The following HECW2 variants were observed in gnomAD, a reference collection of about 807,000 sequenced individuals.
The protein encoded by HECW2 is E3 ubiquitin-protein ligase HECW2.
HECW2 carries 61 observed loss-of-function variants against 175.2 expected under a neutral mutation model. The ratio of observed to expected loss-of-function variants is 0.35; its 90% confidence interval spans 0.28 to 0.43. The LOEUF (loss-of-function observed/expected upper bound fraction) is 0.43, where lower values mean the gene tolerates loss of function less well. Among genes scored for constraint, HECW2 ranks in the 20% least tolerant of loss-of-function variants. The pLI, the probability that HECW2 is intolerant of heterozygous loss-of-function variation, is 1.00. For synonymous variants in HECW2, 671 were observed against 731.0 expected (o/e 0.92, Z 1.32); for missense variants, 1,524 against 2,000.5 (o/e 0.76, Z 4.54).
At chr2:196,563,468 A>G (rs998251028) in intron 1 of HECW2, among the ~76,000 whole-genome samples, 3 of 141,382 alleles carry the variant, frequency 2.1e-5, no homozygotes, top group African/African-American at 9.6e-5. Context: ...CAGGAGGCTG[A>G]GGCAGGAGAA....
intron 2 of HECW2, among the ~76,000 whole-genome samples, chr2:196,387,886 T>C (rs779859830): frequency 1.3e-5 from 2 of 152,196 alleles, no homozygotes; most frequent in Non-Finnish European, 2.9e-5. Flanking sequence ...CCGTATTTCA[T>C]TGAAGAGTAG....
chr2:196,583,677 T>A (rs1217149534), intron 1 of HECW2, among the ~76,000 whole-genome samples: 3 of 152,208 alleles, frequency 2.0e-5, no homozygotes, highest in Non-Finnish European at 4.4e-5. Flanking sequence ...ATGTTAATCT[T>A]TTAGTATCCT....
Position 196,194,677 on chromosome 2 carries a change from C to T in HECW2, c.*6600G>A, listed in dbSNP as rs891323619. On this transcript the variant is annotated 3_prime_UTR_variant, in exon 29 of 29. Coordinates refer to ENST00000644978, the MANE Select transcript of HECW2 (RefSeq NM_001348768.2). ...ATTATTTACTTTGAAAAAAAAATTA[C>T]ATATAAGGTGAAGTGAGAGCTGTAT... is the stretch of plus-strand genomic sequence containing the variant. The T allele has an allele frequency of 2.0e-5, 3 of 151,910 alleles. No homozygotes were observed. Among genetic ancestry groups the T allele is most frequent in the Non-Finnish European group, 1.5e-5 (1 of 67,960 alleles). 9.4% of individuals were successfully genotyped at this position (151,910 alleles called of 1,614,324 possible).
At chr2:196,278,728 A>G in intron 14 of HECW2, 66 bp from the exon 15 acceptor site, 1 of 1,570,688 alleles carries the variant, frequency 6.4e-7, no homozygotes, top group Non-Finnish European at 8.8e-7. Context: ...ATAACATCAG[A>G]CGGTCAGGAA....
chr2:196,588,657 C>T (rs980334215), intron 1 of HECW2, among the ~76,000 whole-genome samples: 2 of 152,166 alleles, frequency 1.3e-5, no homozygotes, highest in African/African-American at 4.8e-5. Flanking sequence ...ACATACATTG[C>T]ATACACACAC....
intron 3 of HECW2, among the ~76,000 whole-genome samples, chr2:196,337,764 G>T (rs552338165): frequency 6.6e-6 from 1 of 151,362 alleles, no homozygotes; most frequent in South Asian, 2.1e-4. Context: ...AAAAGGGAAA[G>T]GCATCCTGTA....
chr2:196,554,574 A>T (rs1399533692), intron 1 of HECW2, among the ~76,000 whole-genome samples: 2 of 152,200 alleles, frequency 1.3e-5, no homozygotes, highest in Non-Finnish European at 2.9e-5. Flanking sequence ...ACCTAGCCAA[A>T]ATATGTGCCC....
At chr2:196,452,184 T>C (rs1020050822) in intron 1 of HECW2, among the ~76,000 whole-genome samples, 3 of 152,184 alleles carry the variant, frequency 2.0e-5, no homozygotes, top group Non-Finnish European at 2.9e-5. Context: ...AAATGAGATA[T>C]GCTGCAAGTA....
intron 1 of HECW2, among the ~76,000 whole-genome samples, chr2:196,505,707 A>G (rs1687736622): frequency 6.6e-6 from 1 of 152,204 alleles, no homozygotes; most frequent in Non-Finnish European, 1.5e-5. Flanking sequence ...AAGGGGACAT[A>G]ATGGCTAATC....
intron 19 of HECW2, among the ~76,000 whole-genome samples, chr2:196,250,029 T>C (rs994903303): frequency 2.6e-5 from 4 of 152,222 alleles, no homozygotes; most frequent in Non-Finnish European, 5.9e-5. Context: ...AGAGTGCTCA[T>C]ACAGTCTTGA....
In HECW2 at chr2:196,412,570, C is replaced by G. The variant is rs140185012; in HGVS notation, c.292+20562G>C. 3.0e-4 allele frequency among the ~76,000 whole-genome samples: 46 copies of G among 152,286 alleles called. No individual in the cohort carries two copies. In the East Asian group the frequency reaches 8.3e-3, roughly 27 times the overall value. On this transcript the variant is annotated intron_variant, in intron 2 of 28. Coordinates refer to ENST00000644978, the MANE Select transcript of HECW2 (RefSeq NM_001348768.2). ...TAGTCACAGGACACATTCAGAACAC[C>G]CTTTAGGGAATGTAATCAAATGATA...
chr2:196,281,095 A>G (rs1374594932), intron 14 of HECW2, among the ~76,000 whole-genome samples: 1 of 152,220 alleles, frequency 6.6e-6, no homozygotes, highest in African/African-American at 2.4e-5. Flanking sequence ...ATGTAGGTCA[A>G]CTATGATTTG....
intron 1 of HECW2, among the ~76,000 whole-genome samples, chr2:196,515,957 C>T (rs1688130353): frequency 1.5e-5 from 2 of 137,316 alleles, no homozygotes; most frequent in Admixed American, 7.2e-5. Context: ...AACCACCTCT[C>T]TACTAAAAAA....
At chr2:196,433,043 T>C in intron 2 of HECW2, 89 bp downstream of exon 2, 2 of 1,307,980 alleles carry the variant, frequency 1.5e-6, no homozygotes, top group Non-Finnish European at 2.1e-6. Flanking sequence ...TGTGAATTTT[T>C]TTCCAGAAGA....
At chr2:196,395,777 T>A (rs982063218) in intron 2 of HECW2, among the ~76,000 whole-genome samples, 21 of 152,084 alleles carry the variant, frequency 1.4e-4, no homozygotes, top group African/African-American at 1.9e-4. Flanking sequence ...TGTGCATTGC[T>A]GGTAGAATGT....
At chr2:196,428,030 TC>T (rs2125259306) in intron 2 of HECW2, among the ~76,000 whole-genome samples, 1 of 152,236 alleles carries the variant, frequency 6.6e-6, no homozygotes, top group African/African-American at 2.4e-5. Context: ...GTTGTACAGT[TC>T]AAAACATTCT....
chr2:196,274,052 A>G lies in HECW2; in HGVS notation c.3207T>C (p.Ser1069=), dbSNP rs748925405. 1.4e-5 allele frequency: 22 copies of G among 1,613,828 alleles called. No individual in the cohort carries two copies. Among genetic ancestry groups the G allele is most frequent in the Non-Finnish European group, 1.7e-5 (20 of 1,179,802 alleles). The change falls in exon 16 of 29, where the codon AGT becomes AGC. Residue 1069 remains serine, a synonymous_variant. Transcript: ENST00000644978. ...GAACCATGTCCTGGTACTGTGGCCT[A>G]CTGACTGTATTGAATGTACTGGATG... ...PRPSSTFNTV[S]RPQYQDMVPV...
chr2:196,356,803 T>C (rs1198954278), intron 2 of HECW2, among the ~76,000 whole-genome samples: 1 of 152,240 alleles, frequency 6.6e-6, no homozygotes, highest in Admixed American at 6.5e-5. Context: ...TTACTGTGCC[T>C]AATTTATAAA....
At chr2:196,457,971 C>T (rs938577662) in intron 1 of HECW2, among the ~76,000 whole-genome samples, 1 of 152,010 alleles carries the variant, frequency 6.6e-6, no homozygotes, top group Non-Finnish European at 1.5e-5. Flanking sequence ...TCACCATACT[C>T]TACAATACTG....
Sources: gnomAD v4.1 joint callset for allele counts (sites outside exome capture counted in the v4.1 genomes callset) on GRCh38, gnomAD v4.1.1 for gene constraint, MANE v1.5 for transcripts, NCBI Gene and HGNC (gene_info 2026-07-23, HGNC 2026-07-21) for gene names.